RAD54B: variants seen among roughly 807,000 people sequenced by gnomAD.
RAD54B encodes the protein DNA repair and recombination protein RAD54B.
In RAD54B, 78 loss-of-function variants were observed where a neutral mutation model predicts 95.8. That is an observed-to-expected ratio of 0.81 (90% CI 0.68 to 0.98). The LOEUF is 0.98. Ranked by LOEUF, RAD54B falls within the 50% of genes least tolerant of loss-of-function variation. The pLI, the probability that RAD54B is intolerant of heterozygous loss-of-function variation, is 0.00. For synonymous variants in RAD54B, 328 were observed against 354.9 expected (o/e 0.92, Z 0.85); for missense variants, 957 against 1,056.6 (o/e 0.91, Z 1.31).
rs573870333 is a variant in RAD54B at position 94,472,426 on chromosome 8, G to C, written c.-17+2575C>G. Among the ~76,000 whole-genome samples the C allele has an allele frequency of 9.2e-5, 14 of 152,258 alleles. No individual in the cohort carries two copies. The East Asian group carries it at 2.7e-3, about 29-fold the overall frequency. The stretch of plus-strand genomic sequence containing the variant: ...AGTTACTTAATGGTCAAATGAAATA[G>C]AACAATAGAAGCTGAAATTTAAAAC... On this transcript the variant is annotated intron_variant, in intron 1 of 14. Transcript: ENST00000336148.
intron 3 of RAD54B, among the ~76,000 whole-genome samples, chr8:94,441,330 C>G (rs1225709004): frequency 6.6e-6 from 1 of 152,288 alleles, no homozygotes; most frequent in South Asian, 2.1e-4. Flanking sequence ...AGTCACAAGT[C>G]TGGGCCTCCA....
At chr8:94,415,897 G>A (rs1811651375) in intron 3 of RAD54B, among the ~76,000 whole-genome samples, 1 of 152,048 alleles carries the variant, frequency 6.6e-6, no homozygotes, top group South Asian at 2.1e-4. Context: ...TGGAGAAATA[G>A]GAACACTTAC....
intron 3 of RAD54B, among the ~76,000 whole-genome samples, chr8:94,456,284 A>C (rs1175505699): frequency 3.3e-5 from 5 of 152,198 alleles, no homozygotes; most frequent in Non-Finnish European, 2.9e-5. Flanking sequence ...AGAAAGTGAA[A>C]ATGTACTTAT....
At chr8:94,466,637 C>T (rs766568421) in intron 2 of RAD54B, among the ~76,000 whole-genome samples, 14 of 152,080 alleles carry the variant, frequency 9.2e-5, no homozygotes, top group Admixed American at 4.6e-4. Flanking sequence ...CAACTCCTGA[C>T]CCCAGGTGAT....
intron 9 of RAD54B, chr8:94,393,415 G>A (rs535333415): frequency 2.6e-5 from 6 of 226,994 alleles, no homozygotes; most frequent in South Asian, 1.3e-4. Context: ...ACTGGGCAAC[G>A]CAGAGTGACA....
At chr8:94,412,204 G>A (rs538675364) in intron 3 of RAD54B, among the ~76,000 whole-genome samples, 1 of 152,254 alleles carries the variant, frequency 6.6e-6, no homozygotes, top group African/African-American at 2.4e-5. Flanking sequence ...TGACAGGATT[G>A]CCTTCTTTTT....
intron 3 of RAD54B, chr8:94,436,677 T>G (rs929659090): frequency 3.9e-6 from 6 of 1,550,658 alleles, no homozygotes; most frequent in Non-Finnish European, 5.2e-6. Context: ...GGCCCTGTGC[T>G]GTTCGAGGAG....
At chr8:94,432,316 A>C in intron 3 of RAD54B, 1 of 1,550,312 alleles carries the variant, frequency 6.5e-7, no homozygotes. Flanking sequence ...TCCTCTTTCA[A>C]CATTTGCAGG....
chr8:94,378,381 C>T lies in RAD54B; in HGVS notation c.2315-1G>A. ...TGATAGATCTTTTCTTCTATTGTAC[C>T]TAAAGAGAAAACATTAATTAGATTT... On this transcript the variant is annotated splice_acceptor_variant, in intron 13 of 14. Coordinates refer to ENST00000336148, the MANE Select transcript of RAD54B (RefSeq NM_012415.3). LOFTEE classifies it high-confidence loss of function. 6.2e-7 allele frequency: 1 copy of T among 1,606,972 alleles called. No homozygotes were observed. The highest frequency in any genetic ancestry group is 1.7e-4 in the Middle Eastern group (1 of 6,010).
At chr8:94,401,384 G>A (rs1187891001) in intron 6 of RAD54B, among the ~76,000 whole-genome samples, 1 of 151,964 alleles carries the variant, frequency 6.6e-6, no homozygotes, top group Non-Finnish European at 1.5e-5. Context: ...AGGATGAAGA[G>A]CTTTATGATG....
intron 3 of RAD54B, among the ~76,000 whole-genome samples, chr8:94,421,068 AC>A (rs1811797237): frequency 6.6e-6 from 1 of 151,218 alleles, no homozygotes; most frequent in Admixed American, 6.6e-5. Context: ...AAACACTCCC[AC>A]CCCCACACTG....
rs183542516 is a variant in RAD54B at position 94,399,291 on chromosome 8, C to G, written c.1378+123G>C. ...GAATCCTACCAAGAGTTAATTAACA[C>G]AGGTTTATTAGTATAAATTCCATCC... On this transcript the variant is annotated intron_variant, in intron 8 of 14. Coordinates refer to ENST00000336148, the MANE Select transcript of RAD54B (RefSeq NM_012415.3). 2.2e-5 allele frequency: 16 copies of G among 726,142 alleles called. No individual in the cohort carries two copies. In the East Asian group the frequency reaches 3.7e-4, roughly 17 times the overall value. 45.0% of individuals were successfully genotyped at this position (726,142 alleles called of 1,614,324 possible).
intron 3 of RAD54B, among the ~76,000 whole-genome samples, chr8:94,441,446 A>C (rs1183111529): frequency 1.3e-5 from 2 of 152,188 alleles, no homozygotes. Flanking sequence ...TTACCAGTTT[A>C]TTATAAAGGA....
intron 3 of RAD54B, among the ~76,000 whole-genome samples, chr8:94,413,981 G>A (rs867206643): frequency 1.8e-4 from 27 of 151,648 alleles, no homozygotes; most frequent in Non-Finnish European, 2.5e-4. Flanking sequence ...GATTACAGGC[G>A]CCCACCACCA....
At chr8:94,446,031 A>G (rs1812512266) in intron 3 of RAD54B, among the ~76,000 whole-genome samples, 1 of 152,214 alleles carries the variant, frequency 6.6e-6, no homozygotes, top group Non-Finnish European at 1.5e-5. Context: ...ACATTTATGT[A>G]AGATTTTTTA....
chr8:94,416,528 A>G (rs1005960021), intron 3 of RAD54B, among the ~76,000 whole-genome samples: 2 of 151,654 alleles, frequency 1.3e-5, no homozygotes, highest in African/African-American at 2.4e-5. Context: ...ATAATAAAAA[A>G]AAAGAAAAAA....
At chr8:94,466,250 G>A (rs1454050913) in intron 2 of RAD54B, among the ~76,000 whole-genome samples, 1 of 152,152 alleles carries the variant, frequency 6.6e-6, no homozygotes, top group Non-Finnish European at 1.5e-5. Flanking sequence ...TCAGGGAATT[G>A]CAGAGTAGTA....
chr8:94,373,244 G>A (rs1289283924), intron 14 of RAD54B, among the ~76,000 whole-genome samples: 1 of 152,228 alleles, frequency 6.6e-6, no homozygotes, highest in Non-Finnish European at 1.5e-5. Context: ...TAATGCAAAA[G>A]AAGTTAAGTA....
At chr8:94,435,359 C>T (rs1333223346) in intron 3 of RAD54B, among the ~76,000 whole-genome samples, 1 of 151,982 alleles carries the variant, frequency 6.6e-6, no homozygotes, top group African/African-American at 2.4e-5. Flanking sequence ...AAAATACTTT[C>T]CTAGTAAATT....
Sources: allele counts gnomAD v4.1 joint callset (sites outside exome capture counted in the v4.1 genomes callset), GRCh38; gene constraint gnomAD v4.1.1; transcripts MANE v1.5; gene names NCBI Gene and HGNC (gene_info 2026-07-23, HGNC 2026-07-21).